The following UGT1A9 variants were observed in gnomAD, a reference collection of about 807,000 sequenced individuals.
UGT1A9 encodes UDP-glucuronosyltransferase 1A9.
Under a neutral mutation model 45.0 loss-of-function variants are expected in UGT1A9, and 35 were observed. The ratio of observed to expected loss-of-function variants is 0.78; its 90% confidence interval spans 0.59 to 1.03. UGT1A9 has a LOEUF of 1.03. UGT1A9 is among the 50% of genes least tolerant of loss of function. UGT1A9 has a pLI of 0.00. For missense variants in UGT1A9, 687 were observed against 666.6 expected (o/e 1.03, Z -0.34); for synonymous variants, 278 against 250.6 (o/e 1.11, Z -1.03).
intron 1 of UGT1A9, chr2:233,738,890 T>A (rs1690929435): frequency 6.6e-6 from 1 of 152,188 alleles, no homozygotes. Flanking sequence ...TCAGAGACCT[T>A]TGCAGCAGAC....
Position 233,743,547 on chromosome 2 carries a change from C to G in UGT1A9, c.856-23487C>G, listed in dbSNP as rs201114978. ...TTCCCCAGCAGTTCCTCTGACCCCC[C>G]CAAAATATTCTCCAGCGGGTTTCCC... is the stretch of plus-strand genomic sequence containing the variant. On this transcript the variant is annotated intron_variant, in intron 1 of 4. Coordinates refer to ENST00000354728, the MANE Select transcript of UGT1A9 (RefSeq NM_021027.3). 1.6e-4 allele frequency: 221 copies of G among 1,367,292 alleles called. 1 individual carries two copies. In the East Asian group the frequency reaches 2.5e-3, roughly 15 times the overall value. The allele number at this position is 1,367,292 out of a possible 1,614,324, so 84.7% of individuals were successfully genotyped here.
chr2:233,749,957 G>T (rs1223169654), intron 1 of UGT1A9, among the ~76,000 whole-genome samples: 2 of 151,888 alleles, frequency 1.3e-5, no homozygotes, highest in African/African-American at 4.9e-5. Context: ...CGAGTCTTGG[G>T]TATGTCTTTA....
chr2:233,734,021 G>A (rs2078468168), intron 1 of UGT1A9, among the ~76,000 whole-genome samples: 1 of 152,072 alleles, frequency 6.6e-6, no homozygotes, highest in Non-Finnish European at 1.5e-5. Context: ...ACGAGTTAAT[G>A]GGTGCAGCAC....
At chr2:233,739,437 C>G (rs1691099692) in intron 1 of UGT1A9, among the ~76,000 whole-genome samples, 1 of 152,212 alleles carries the variant, frequency 6.6e-6, no homozygotes, top group Non-Finnish European at 1.5e-5. Flanking sequence ...GGGCTTTACC[C>G]TGCAAAGCCA....
chr2:233,747,491 G>A, intron 1 of UGT1A9: 2 of 1,608,968 alleles, frequency 1.2e-6, no homozygotes, highest in South Asian at 2.2e-5. Flanking sequence ...ATCGCCTTGT[G>A]CTGGGCCACA....
intron 1 of UGT1A9, among the ~76,000 whole-genome samples, chr2:233,698,139 C>T (rs1179532977): frequency 6.6e-6 from 1 of 152,188 alleles, no homozygotes; most frequent in Admixed American, 6.5e-5. Flanking sequence ...TGTGTCTCAA[C>T]TGTATTCCCA....
At chr2:233,735,136 T>C (rs2078611903) in intron 1 of UGT1A9, among the ~76,000 whole-genome samples, 1 of 152,178 alleles carries the variant, frequency 6.6e-6, no homozygotes, top group African/African-American at 2.4e-5. Context: ...TCATTATTAT[T>C]GTGTGGGAGT....
chr2:233,757,752 A>C (rs979747575), intron 1 of UGT1A9, among the ~76,000 whole-genome samples: 1 of 151,642 alleles, frequency 6.6e-6, no homozygotes, highest in Non-Finnish European at 1.5e-5. Flanking sequence ...GGACATGTTT[A>C]TGTTGCTCCT....
chr2:233,747,089 ACTCTAT>A, intron 1 of UGT1A9: 1 of 1,215,556 alleles, frequency 8.2e-7, no homozygotes. Context: ...GGAGGAGAGC[ACTCTAT>A]CTTCCAATTA....
At chr2:233,719,407 A>G (rs775904501) in intron 1 of UGT1A9, 11 of 1,613,816 alleles carry the variant, frequency 6.8e-6, no homozygotes, top group African/African-American at 5.3e-5. Context: ...TATATTCCTA[A>G]GTTACTAACG....
At chr2:233,740,014 A>G (rs1487860646) in intron 1 of UGT1A9, among the ~76,000 whole-genome samples, 4 of 151,772 alleles carry the variant, frequency 2.6e-5, no homozygotes, top group South Asian at 2.1e-4. Flanking sequence ...GTGAGTTCTC[A>G]TGAGAGCTGA....
chr2:233,706,195 T>A lies in UGT1A9; in HGVS notation c.855+33406T>A, dbSNP rs189206835. Among the ~76,000 whole-genome samples the A allele has an allele frequency of 5.9e-5, 9 of 152,294 alleles. No individual in the cohort carries two copies. The East Asian group carries it at 1.7e-3, about 29-fold the overall frequency. ...GTGGTGTGTCTGCCCAGGCTGCTCCTCCACAAAGCTGGCCCAGGCAGGGGC... is the reference window on the plus strand; with the variant it reads ...GTGGTGTGTCTGCCCAGGCTGCTCCACCACAAAGCTGGCCCAGGCAGGGGC... On this transcript the variant is annotated intron_variant, in intron 1 of 4. Transcript: ENST00000354728.
At chr2:233,757,978 G>A (rs979360381) in intron 1 of UGT1A9, among the ~76,000 whole-genome samples, 2 of 152,062 alleles carry the variant, frequency 1.3e-5, no homozygotes, top group Non-Finnish European at 2.9e-5. Context: ...AGCCCCTAGA[G>A]CACCATCCCC....
intron 1 of UGT1A9, chr2:233,691,490 G>A (rs2075045051): frequency 5.1e-6 from 5 of 985,774 alleles, no homozygotes; most frequent in Non-Finnish European, 4.8e-6. Flanking sequence ...TTGTGGGTGG[G>A]AACAGGAACT....
At chr2:233,692,921 T>C in intron 1 of UGT1A9, 1 of 1,571,738 alleles carries the variant, frequency 6.4e-7, no homozygotes, top group Non-Finnish European at 8.6e-7. Flanking sequence ...AAAGCAGTGG[T>C]TAGTTTAGGG....
intron 1 of UGT1A9, among the ~76,000 whole-genome samples, chr2:233,738,308 G>T (rs1018461415): frequency 7.9e-5 from 12 of 152,194 alleles, no homozygotes; most frequent in African/African-American, 2.7e-4. Flanking sequence ...TGTCTTTATA[G>T]CAGTGTGTGA....
intron 1 of UGT1A9, among the ~76,000 whole-genome samples, chr2:233,702,741 C>T (rs1443412065): frequency 2.0e-5 from 3 of 152,054 alleles, no homozygotes; most frequent in Non-Finnish European, 4.4e-5. Flanking sequence ...TCTTTTTGGT[C>T]CCCTATTCTA....
rs1243580572 is a variant in UGT1A9 at position 233,689,974 on chromosome 2, A to G, written c.855+17185A>G. ...TATTTCCATGCTTGGAGGAACCCAC[A>G]GGCCCCTAAAAGGGATTCTCACTTC... On this transcript the variant is annotated intron_variant, in intron 1 of 4. Coordinates refer to ENST00000354728, the MANE Select transcript of UGT1A9 (RefSeq NM_021027.3). 12 of 455,280 alleles carry G rather than the reference A, an allele frequency of 2.6e-5. No homozygotes were observed. The East Asian group carries it at 7.7e-4, about 29-fold the overall frequency. 28.2% of individuals were successfully genotyped at this position (455,280 alleles called of 1,614,324 possible). A position where few individuals can be genotyped will look rare whatever the true frequency, so the allele number is the denominator to read the frequency against.
rs1406835631 is a variant in UGT1A9 at position 233,768,368 on chromosome 2, G to T, written c.1224G>T (p.Val408=). The T allele has an allele frequency of 6.2e-7, 1 of 1,614,116 alleles. No individual in the cohort carries two copies. The highest frequency in any genetic ancestry group is 2.2e-5 in the East Asian group (1 of 44,876). Residue 408 remains valine, a synonymous_variant, in exon 4 of 5, where the codon GTG becomes GTT. Coordinates refer to ENST00000354728, the MANE Select transcript of UGT1A9 (RefSeq NM_021027.3). ...AKRMETKGAG[V]TLNVLEMTSE... ...GCATGGAGACTAAGGGAGCTGGAGT[G>T]ACCCTGAATGTTCTGGAAATGACTT...
Sources: allele counts gnomAD v4.1 joint callset (sites outside exome capture counted in the v4.1 genomes callset), GRCh38; gene constraint gnomAD v4.1.1; transcripts MANE v1.5; gene names NCBI Gene and HGNC (gene_info 2026-07-23, HGNC 2026-07-21).